The following USP32 variants were observed in gnomAD, a reference collection of about 807,000 sequenced individuals.
USP32 encodes the protein ubiquitin specific peptidase 32.
USP32 carries 59 observed loss-of-function variants against 204.8 expected under a neutral mutation model. The observed-to-expected ratio is 0.29, with a 90% CI of 0.23 to 0.36. USP32 has a LOEUF of 0.36. Ranked by LOEUF, USP32 falls within the 10% of genes least tolerant of loss-of-function variation. The pLI is 1.00. For missense variants in USP32, 1,160 were observed against 1,946.4 expected (o/e 0.60, Z 7.60); for synonymous variants, 517 against 678.4 (o/e 0.76, Z 3.70).
rs2084014025 is a variant in USP32 at position 60,178,179 on chromosome 17, T to C, written c.*1076A>G. 6.6e-6 allele frequency among the ~76,000 whole-genome samples: 1 copy of C among 152,238 alleles called. No homozygotes were observed. The highest frequency in any genetic ancestry group is 1.5e-5 in the Non-Finnish European group (1 of 68,046). The stretch of plus-strand genomic sequence containing the variant: ...CCACCAATTTCATTAAATACACTTA[T>C]GAACTCCTAATGTCTGGGATGTGTT... On this transcript the variant is annotated 3_prime_UTR_variant, in exon 34 of 34. Transcript: ENST00000300896.
intron 1 of USP32, among the ~76,000 whole-genome samples, chr17:60,385,134 T>C (rs1278634616): frequency 6.6e-6 from 1 of 152,172 alleles, no homozygotes; most frequent in Non-Finnish European, 1.5e-5. Flanking sequence ...TGTCCCACCT[T>C]AACTGAGCGA....
intron 1 of USP32, among the ~76,000 whole-genome samples, chr17:60,360,902 G>A (rs1303170804): frequency 6.6e-6 from 1 of 151,936 alleles, no homozygotes; most frequent in Non-Finnish European, 1.5e-5. Context: ...GCCAAGGCAG[G>A]CAGATCGCTT....
At chr17:60,312,212 A>T (rs762329654) in intron 2 of USP32, among the ~76,000 whole-genome samples, 3 of 152,198 alleles carry the variant, frequency 2.0e-5, no homozygotes, top group Non-Finnish European at 4.4e-5. Context: ...CAGAAGGCGG[A>T]AACCAGAGTT....
intron 11 of USP32, among the ~76,000 whole-genome samples, chr17:60,240,496 GA>G (rs201176428): frequency 0.028 from 3,265 of 118,386 alleles, 140 homozygotes; most frequent in African/African-American, 0.16. Flanking sequence ...AAAAAAGGGA[GA>G]GAGAGAGAGA....
chr17:60,287,856 A>ATAAT (rs1567829116), intron 5 of USP32, among the ~76,000 whole-genome samples: 1 of 151,898 alleles, frequency 6.6e-6, no homozygotes, highest in Non-Finnish European at 1.5e-5. Context: ...GCTCACGCCT[A>ATAAT]TAATTCCAGC....
At chr17:60,421,595 G>A (rs959277325) in intron 1 of USP32, 1 of 983,840 alleles carries the variant, frequency 1.0e-6, no homozygotes, top group African/African-American at 1.7e-5. Context: ...GGAAACTGCG[G>A]GGGCAACGGT....
intron 21 of USP32, 126 bp downstream of exon 21, chr17:60,210,887 T>G: frequency 3.5e-6 from 5 of 1,425,810 alleles, no homozygotes; most frequent in Non-Finnish European, 4.6e-6. Flanking sequence ...GACCTTTTGT[T>G]TATACCAAGT....
intron 2 of USP32, among the ~76,000 whole-genome samples, chr17:60,325,500 T>G (rs1249777807): frequency 2.6e-5 from 4 of 152,214 alleles, no homozygotes; most frequent in African/African-American, 9.7e-5. Flanking sequence ...GTCATAATAT[T>G]GTAAATAACA....
rs35652936 is a variant in USP32 at position 60,180,867 on chromosome 17, C to CTATTAT, written c.4549-236_4549-231dup. On this transcript the variant is annotated intron_variant, in intron 32 of 33. Coordinates refer to ENST00000300896, the MANE Select transcript of USP32 (RefSeq NM_032582.4). ...AACAATCATTTTATAATTGTAATTA[C>CTATTAT]TATTATTATTATTATTATTATTATT... 5.9e-3 allele frequency among the ~76,000 whole-genome samples: 869 copies of CTATTAT among 147,496 alleles called. 3 individuals carry two copies. Among genetic ancestry groups the CTATTAT allele is most frequent in the Middle Eastern group, 7.2e-3 (2 of 278 alleles).
chr17:60,210,970 C>T, intron 21 of USP32, 43 bp downstream of exon 21: 1 of 1,546,426 alleles, frequency 6.5e-7, no homozygotes, highest in Non-Finnish European at 8.7e-7. Context: ...GATTAAACAA[C>T]TATTAGGAAT....
chr17:60,284,099 G>A (rs921190593), intron 5 of USP32, among the ~76,000 whole-genome samples: 1 of 152,014 alleles, frequency 6.6e-6, no homozygotes, highest in African/African-American at 2.4e-5. Context: ...GAGATGTTAG[G>A]AGGTACATGA....
chr17:60,285,317 A>G (rs1041609101), intron 5 of USP32, among the ~76,000 whole-genome samples: 3 of 152,256 alleles, frequency 2.0e-5, no homozygotes, highest in Admixed American at 2.0e-4. Flanking sequence ...AACAAAGATA[A>G]GGGCACTGAA....
At chr17:60,409,132 G>A (rs953341500) in intron 1 of USP32, among the ~76,000 whole-genome samples, 2 of 152,162 alleles carry the variant, frequency 1.3e-5, no homozygotes, top group Non-Finnish European at 2.9e-5. Flanking sequence ...CGGATCACCT[G>A]AGGCCAGGAC....
chr17:60,293,099 A>G (rs932922259), intron 4 of USP32, among the ~76,000 whole-genome samples: 2 of 152,208 alleles, frequency 1.3e-5, no homozygotes, highest in Non-Finnish European at 2.9e-5. Flanking sequence ...AGACCTAAGC[A>G]TTCTATATAA....
chr17:60,196,565 C>T (rs1030545065), intron 27 of USP32, among the ~76,000 whole-genome samples: 1 of 152,138 alleles, frequency 6.6e-6, no homozygotes, highest in African/African-American at 2.4e-5. Context: ...TGGCTCATGC[C>T]TGTAATCCCA....
intron 2 of USP32, among the ~76,000 whole-genome samples, chr17:60,333,106 C>T (rs2088429438): frequency 6.6e-6 from 1 of 152,078 alleles, no homozygotes; most frequent in Non-Finnish European, 1.5e-5. Context: ...TTACAGTTGA[C>T]CCTTGAACAA....
At chr17:60,263,758 G>A (rs377032408) in intron 9 of USP32, among the ~76,000 whole-genome samples, 2 of 152,126 alleles carry the variant, frequency 1.3e-5, no homozygotes, top group African/African-American at 2.4e-5. Flanking sequence ...GAGAAAGAAG[G>A]GGACTGAATT....
chr17:60,328,110 G>A (rs1212679140), intron 2 of USP32, among the ~76,000 whole-genome samples: 2 of 152,234 alleles, frequency 1.3e-5, no homozygotes, highest in African/African-American at 4.8e-5. Flanking sequence ...CCTGAAGGCT[G>A]GGGGCCAGGC....
In USP32 at chr17:60,288,620, A is replaced by G. The variant is rs2087185101; in HGVS notation, c.474T>C (p.Thr158=). ...NWLFLNKDAF[T]FSRWLLSGGV... ...CTCCAGATAGAAGCCATCGAGAGAA[A>G]GTAAAAGCATCTTTGTTTAGAAAAA... is the stretch of plus-strand genomic sequence containing the variant. Residue 158 remains threonine (T), a synonymous_variant, in exon 5 of 34, where the codon ACT becomes ACC. Coordinates refer to ENST00000300896, the MANE Select transcript of USP32 (RefSeq NM_032582.4). 6.2e-7 allele frequency: 1 copy of G among 1,613,668 alleles called. No individual in the cohort carries two copies. The highest frequency in any genetic ancestry group is 8.5e-7 in the Non-Finnish European group (1 of 1,179,852).
Sources: gnomAD v4.1 joint callset for allele counts (sites outside exome capture counted in the v4.1 genomes callset) on GRCh38, gnomAD v4.1.1 for gene constraint, MANE v1.5 for transcripts, NCBI Gene and HGNC (gene_info 2026-07-23, HGNC 2026-07-21) for gene names.